Variants in NRF1 observed in about 807,000 individuals in gnomAD.
NRF1 encodes alpha palindromic-binding protein.
A neutral mutation model predicts 58.5 loss-of-function variants in NRF1; 5 were observed. That is an observed-to-expected ratio of 0.09 (90% CI 0.04 to 0.18). The LOEUF (loss-of-function observed/expected upper bound fraction) is 0.18, where lower values mean the gene tolerates loss of function less well. Among genes scored for constraint, NRF1 ranks in the 10% least tolerant of loss-of-function variants. NRF1 has a pLI of 1.00. For synonymous variants in NRF1, 224 were observed against 246.7 expected, an observed-to-expected ratio of 0.91 and a Z score of 0.86; for missense variants, 288 against 657.7, an observed-to-expected ratio of 0.44 and a Z score of 6.15.
chr7:129,725,570 G>A (rs1397761412), intron 9 of NRF1, among the ~76,000 whole-genome samples: 2 of 152,184 alleles, frequency 1.3e-5, no homozygotes, highest in South Asian at 2.1e-4. Flanking sequence ...CAGGTGATCC[G>A]CCCGCCTTGG....
intron 2 of NRF1, among the ~76,000 whole-genome samples, chr7:129,660,199 C>T (rs1002615242): frequency 9.2e-5 from 14 of 152,098 alleles, no homozygotes; most frequent in Admixed American, 6.5e-4. Context: ...TACCTCCCAC[C>T]GGGTCCTTCC....
intron 1 of NRF1, chr7:129,633,781 A>ATGTATGGTTAT: frequency 8.3e-6 from 1 of 119,942 alleles, no homozygotes; most frequent in South Asian, 3.1e-4. Flanking sequence ...CTTATTAACT[A>ATGTATGGTTAT]TAAGTGATGT....
At position 129,755,130 on chromosome 7, in the gene NRF1, C is replaced by T. The variant is rs1162289099; in HGVS notation, c.1461C>T (p.Ser487=). ...MAPVTTRISD[S]AVTMDGQAVE... is the part of the protein sequence containing the mutation. ...CTGTGACCACCAGGATATCAGACAG[C>T]GCAGTCACCATGGACGGCCAAGCTG... Residue 487 remains serine (S), a synonymous_variant, in exon 11 of 11, where the codon AGC becomes AGT. Transcript: ENST00000393232. This position sits in a 1 kb window ranked among gnomAD's most constrained non-coding sequence, Gnocchi z 5.8. 3.1e-6 allele frequency: 5 copies of T among 1,613,782 alleles called. No individual in the cohort carries two copies. The highest frequency in any genetic ancestry group is 4.2e-6 in the Non-Finnish European group (5 of 1,179,912).
chr7:129,619,461 TGTGTGTG>T (rs1354270064), intron 1 of NRF1, among the ~76,000 whole-genome samples: 1 of 30,176 alleles, frequency 3.3e-5, no homozygotes, highest in African/African-American at 1.5e-4. Flanking sequence ...TATATACACG[TGTGTGTG>T]TGTGTGTGTG....
At chr7:129,693,788 C>T (rs952678403) in intron 5 of NRF1, among the ~76,000 whole-genome samples, 6 of 152,164 alleles carry the variant, frequency 3.9e-5, no homozygotes, top group African/African-American at 1.4e-4. Context: ...TACTCTGTCT[C>T]AGATGTAAAG....
intron 5 of NRF1, among the ~76,000 whole-genome samples, chr7:129,695,261 A>G (rs1446376114): frequency 6.6e-6 from 1 of 152,000 alleles, no homozygotes; most frequent in Non-Finnish European, 1.5e-5. Flanking sequence ...GTGTGTATAG[A>G]ACTTTGGAGG....
chr7:129,719,489 GAA>G (rs1584669760), intron 9 of NRF1, among the ~76,000 whole-genome samples: 1 of 103,550 alleles, frequency 9.7e-6, no homozygotes. Flanking sequence ...TTAGGAATAG[GAA>G]ACTGAAACAC....
intron 2 of NRF1, among the ~76,000 whole-genome samples, chr7:129,671,065 G>A (rs970978567): frequency 6.6e-6 from 1 of 152,152 alleles, no homozygotes; most frequent in African/African-American, 2.4e-5. Context: ...TTCAATTTTG[G>A]CAAACTTCTC....
chr7:129,635,177 T>C (rs1584593366), intron 1 of NRF1, among the ~76,000 whole-genome samples: 2 of 152,258 alleles, frequency 1.3e-5, no homozygotes, highest in East Asian at 3.9e-4. Context: ...GTTGGAGCAT[T>C]AATTTGACTA....
At chr7:129,632,136 G>A (rs372855603) in intron 1 of NRF1, among the ~76,000 whole-genome samples, 2 of 152,048 alleles carry the variant, frequency 1.3e-5, no homozygotes, top group African/African-American at 2.4e-5. Context: ...TTAGCTGAGC[G>A]TGGGTAATGT....
chr7:129,654,482 A>G (rs1201713758), intron 1 of NRF1, among the ~76,000 whole-genome samples: 5 of 151,966 alleles, frequency 3.3e-5, no homozygotes, highest in Non-Finnish European at 5.9e-5. Context: ...CAGCTTATCG[A>G]TTTTTTGCTT....
At chr7:129,728,192 C>T (rs1234615348) in intron 10 of NRF1, among the ~76,000 whole-genome samples, 2 of 152,092 alleles carry the variant, frequency 1.3e-5, no homozygotes, top group Non-Finnish European at 2.9e-5. Flanking sequence ...AAATTAAATA[C>T]TCCATGGCTT....
At chr7:129,617,454 T>A (rs1002507523) in intron 1 of NRF1, among the ~76,000 whole-genome samples, 2 of 152,210 alleles carry the variant, frequency 1.3e-5, no homozygotes, top group Non-Finnish European at 2.9e-5. Flanking sequence ...GATTCTTGTT[T>A]TATGTTCAAA....
At chr7:129,670,363 A>G (rs1422822180) in intron 2 of NRF1, among the ~76,000 whole-genome samples, 1 of 152,244 alleles carries the variant, frequency 6.6e-6, no homozygotes, top group Non-Finnish European at 1.5e-5. Context: ...AATGTTGGTA[A>G]ATGCAGCCAT....
chr7:129,639,424 T>C (rs1584597666), intron 1 of NRF1, among the ~76,000 whole-genome samples: 1 of 152,192 alleles, frequency 6.6e-6, no homozygotes, highest in Non-Finnish European at 1.5e-5. Flanking sequence ...TTTGTACAGA[T>C]TTTCATACCT....
chr7:129,670,705 T>A (rs1252371052), intron 2 of NRF1, among the ~76,000 whole-genome samples: 1 of 152,194 alleles, frequency 6.6e-6, no homozygotes, highest in African/African-American at 2.4e-5. Flanking sequence ...TTCCTTTGAG[T>A]CTACCCTCCA....
rs1168143348 is a variant in NRF1, at chr7:129,711,591, C to T, written c.1065+15C>T. 2 of 1,584,436 alleles carry T rather than the reference C, an allele frequency of 1.3e-6. No homozygotes were observed. The highest frequency in any genetic ancestry group is 1.7e-6 in the Non-Finnish European group (2 of 1,157,928). On this transcript the variant is annotated intron_variant, in intron 8 of 10. Coordinates refer to ENST00000393232, the MANE Select transcript of NRF1 (RefSeq NM_005011.5). ...CTGATGGAGAGGTAAGAAAGAGATT[C>T]CATCTGCATCTTCTTAAATACTTGA...
chr7:129,621,669 G>T (rs1800799288), intron 1 of NRF1, among the ~76,000 whole-genome samples: 1 of 152,134 alleles, frequency 6.6e-6, no homozygotes, highest in South Asian at 2.1e-4. Flanking sequence ...TAAGTCTAAA[G>T]AAGAAGTAAT....
At chr7:129,717,122 T>C (rs1317428968) in intron 8 of NRF1, 97 bp from the exon 9 acceptor site, 14 of 1,194,890 alleles carry the variant, frequency 1.2e-5, no homozygotes, top group Non-Finnish European at 1.6e-5. Flanking sequence ...AAAGAGTATG[T>C]GTATTTAGCC....
Sources: allele counts gnomAD v4.1 joint callset (sites outside exome capture counted in the v4.1 genomes callset), GRCh38; gene constraint gnomAD v4.1.1; non-coding constraint Gnocchi (gnomAD v3.1); transcripts MANE v1.5; gene names NCBI Gene and HGNC (gene_info 2026-07-23, HGNC 2026-07-21).